ARFGEF1: variants seen among roughly 807,000 people sequenced by gnomAD.
ARFGEF1 encodes brefeldin A-inhibited guanine nucleotide-exchange protein 1.
ARFGEF1 carries 42 observed loss-of-function variants against 231.0 expected under a neutral mutation model. The observed-to-expected ratio is 0.18, with a 90% CI of 0.14 to 0.24. ARFGEF1 has a LOEUF of 0.24. Among genes scored for constraint, ARFGEF1 ranks in the 10% least tolerant of loss-of-function variants. The pLI, the probability that ARFGEF1 is intolerant of heterozygous loss-of-function variation, is 1.00. For synonymous variants in ARFGEF1, 710 were observed against 732.3 expected (o/e 0.97, Z 0.49); for missense variants, 1,345 against 2,192.0 (o/e 0.61, Z 7.72).
Position 67,311,652 on chromosome 8 carries a change from G to A in ARFGEF1, c.125-9186C>T, listed in dbSNP as rs542207359. 2.7e-4 allele frequency among the ~76,000 whole-genome samples: 40 copies of A among 150,766 alleles called. No homozygotes were observed. The South Asian group carries it at 3.4e-3, about 13-fold the overall frequency. ...CCCCGCCCAGCCAGCCGCCCCGTCC[G>A]GGAGGTGAGGGGCGCCTCTGCCCGG... On this transcript the variant is annotated intron_variant, in intron 1 of 38. Transcript: ENST00000262215.
intron 1 of ARFGEF1, among the ~76,000 whole-genome samples, chr8:67,321,650 C>T (rs563438524): frequency 1.3e-5 from 2 of 151,550 alleles, no homozygotes; most frequent in South Asian, 2.1e-4. Flanking sequence ...TTAATAGAGA[C>T]GGGGTTTCAC....
At chr8:67,325,834 T>A (rs1807808424) in intron 1 of ARFGEF1, among the ~76,000 whole-genome samples, 2 of 152,164 alleles carry the variant, frequency 1.3e-5, no homozygotes, top group African/African-American at 2.4e-5. Context: ...AATCAAGTTA[T>A]AATGGAATAA....
chr8:67,195,587 T>C (rs376255546), downstream of ARFGEF1: 8 of 1,613,666 alleles, frequency 5.0e-6, no homozygotes, highest in East Asian at 8.9e-5. Context: ...CGACTGCACA[T>C]GGTTAAAATA....
At chr8:67,212,834 T>C (rs1838798827) in intron 33 of ARFGEF1, among the ~76,000 whole-genome samples, 1 of 152,244 alleles carries the variant, frequency 6.6e-6, no homozygotes. Context: ...ATGAAAGCAC[T>C]GGTTTTTAAA....
intron 1 of ARFGEF1, among the ~76,000 whole-genome samples, chr8:67,342,643 C>T (rs2128941195): frequency 6.6e-6 from 1 of 152,166 alleles, no homozygotes; most frequent in Admixed American, 6.5e-5. Context: ...ACGGGCTGCA[C>T]CTCTTGCAAA....
chr8:67,222,188 T>TACAC (rs1391506475), intron 29 of ARFGEF1, among the ~76,000 whole-genome samples: 14 of 136,176 alleles, frequency 1.0e-4, no homozygotes, highest in African/African-American at 4.1e-4. Flanking sequence ...TACACATATA[T>TACAC]ATATATATAT....
intron 18 of ARFGEF1, among the ~76,000 whole-genome samples, chr8:67,253,176 G>C (rs2128886110): frequency 6.6e-6 from 1 of 152,164 alleles, no homozygotes. Context: ...TCAAAACATG[G>C]TTCTAAACAA....
rs766496985 is a variant in ARFGEF1, at chr8:67,179,869, G to C, written c.561-4297C>G. 8 of 1,594,274 alleles carry C rather than the reference G, an allele frequency of 5.0e-6. No individual in the cohort carries two copies. The highest frequency in any genetic ancestry group is 3.3e-5 in the Admixed American group (2 of 59,732). ...TGAAACATGTTTCTTTTAGCCCAGA[G>C]ATGACACTAGTGATTTCTTGAAAAA... On this transcript the variant is annotated intron_variant, in intron 5 of 5. Transcript: ENST00000518789.
intron 1 of ARFGEF1, among the ~76,000 whole-genome samples, chr8:67,312,000 A>G (rs528834347): frequency 7.6e-4 from 116 of 152,266 alleles, no homozygotes; most frequent in Middle Eastern, 6.8e-3. Context: ...GATTAAGGGC[A>G]GTGCAAGATG....
In ARFGEF1 at chr8:67,343,248, G is replaced by A. The variant is rs765553102; in HGVS notation, c.40C>T (p.Arg14Trp). 1.2e-5 allele frequency: 19 copies of A among 1,613,888 alleles called. No individual in the cohort carries two copies. The Admixed American group carries it at 2.8e-4, about 24-fold the overall frequency. Residue 14 changes from arginine (R) to tryptophan (W), a missense_variant, in exon 1 of 39, where the codon CGG becomes TGG. Physicochemically the swap from Arg to Trp is moderately radical, Grantham distance 101 (BLOSUM62 -3). Transcript: ENST00000262215. ...TCGGCCAATATCTTCTCCAGAGCCC[G>A]GGTCAGGAACATGTTCTTCGTCTTC... ...GKKTKNMFLT[R>W]ALEKILADKE... is the part of the protein sequence containing the mutation.
intron 10 of ARFGEF1, among the ~76,000 whole-genome samples, chr8:67,271,045 G>GAAAAAA (rs1563878469): frequency 1.4e-3 from 94 of 69,360 alleles, no homozygotes; most frequent in Non-Finnish European, 1.6e-3. Context: ...AAAAAAAAAG[G>GAAAAAA]AAAAAGAAAA....
In ARFGEF1 at chr8:67,224,932, G is replaced by A. The variant is rs372523829; in HGVS notation, c.4179C>T (p.Ile1393=). 13 of 1,582,124 alleles carry A rather than the reference G, an allele frequency of 8.2e-6. No individual in the cohort carries two copies. Among genetic ancestry groups the A allele is most frequent in the Non-Finnish European group, 1.0e-5 (12 of 1,164,256 alleles). The change falls in exon 29 of 39, where the codon ATC becomes ATT. Residue 1393 remains isoleucine, a synonymous_variant. Transcript: ENST00000262215. ...TTCTTACATCTAATTTGCATCTATT[G>A]ATGATACAGGATAACTCAAAGAGAA... ...FPILFELSCI[I]NRCKLDVRTR... is the part of the protein sequence containing the mutation.
intron 27 of ARFGEF1, among the ~76,000 whole-genome samples, chr8:67,226,764 A>G (rs1839387677): frequency 6.6e-6 from 1 of 152,086 alleles, no homozygotes; most frequent in Non-Finnish European, 1.5e-5. Flanking sequence ...GGTCAAAAAT[A>G]AAGGCTTTGC....
chr8:67,189,869 G>T (rs2129574990), intron 5 of ARFGEF1, among the ~76,000 whole-genome samples: 1 of 152,132 alleles, frequency 6.6e-6, no homozygotes, highest in African/African-American at 2.4e-5. Context: ...AGTTGCGGAG[G>T]TTACCGTAGA....
chr8:67,188,886 A>G (rs549793827), intron 5 of ARFGEF1, among the ~76,000 whole-genome samples: 21 of 152,258 alleles, frequency 1.4e-4, no homozygotes, highest in African/African-American at 5.1e-4. Context: ...CACGGCTTCT[A>G]ATAGAGCTTT....
intron 1 of ARFGEF1, among the ~76,000 whole-genome samples, chr8:67,331,025 G>C (rs1490446073): frequency 6.6e-6 from 1 of 151,574 alleles, no homozygotes; most frequent in Non-Finnish European, 1.5e-5. Flanking sequence ...AAACTTAAAA[G>C]AAAATCCTTA....
intron 17 of ARFGEF1, among the ~76,000 whole-genome samples, chr8:67,256,531 G>C (rs1587145140): frequency 6.6e-6 from 1 of 151,954 alleles, no homozygotes; most frequent in South Asian, 2.1e-4. Flanking sequence ...AAATTCAAAT[G>C]AATTTTAATT....
At chr8:67,243,798 T>C (rs558095922) in intron 19 of ARFGEF1, among the ~76,000 whole-genome samples, 2 of 152,256 alleles carry the variant, frequency 1.3e-5, no homozygotes, top group East Asian at 1.9e-4. Flanking sequence ...GAAAGAGATA[T>C]ATGTGACCTT....
At chr8:67,213,538 T>G (rs956188553) in intron 33 of ARFGEF1, among the ~76,000 whole-genome samples, 3 of 152,174 alleles carry the variant, frequency 2.0e-5, no homozygotes, top group Non-Finnish European at 4.4e-5. Context: ...TTGTGTCAAT[T>G]TGGCTAGGAC....
Sources: gnomAD v4.1 joint callset for allele counts (sites outside exome capture counted in the v4.1 genomes callset) on GRCh38, gnomAD v4.1.1 for gene constraint, MANE v1.5 for transcripts, NCBI Gene and HGNC (gene_info 2026-07-23, HGNC 2026-07-21) for gene names.